The following SOCS5 variants were observed in gnomAD, a reference collection of about 807,000 sequenced individuals.
SOCS5 encodes the protein CIS-6.
SOCS5 carries 32 observed loss-of-function variants against 42.8 expected under a neutral mutation model. The observed-to-expected ratio is 0.75, with a 90% confidence interval of 0.56 to 1.01. SOCS5 has a LOEUF of 1.01. SOCS5 is among the 50% of genes least tolerant of loss of function. SOCS5 has a pLI of 0.00. For missense variants in SOCS5, 627 were observed against 653.0 expected, an observed-to-expected ratio of 0.96 and a Z score of 0.43; for synonymous variants, 283 against 229.6, an observed-to-expected ratio of 1.23 and a Z score of -2.10.
At chr2:46,746,657 A>AG (rs1489945538) in intron 1 of SOCS5, among the ~76,000 whole-genome samples, 1 of 151,942 alleles carries the variant, frequency 6.6e-6, no homozygotes, top group East Asian at 1.9e-4. Flanking sequence ...AAAAAAAAAA[A>AG]AAGATCCCAT....
rs187606162 is a variant in SOCS5 at position 46,722,877 on chromosome 2, T to C, written c.-13+23428T>C. On this transcript the variant is annotated intron_variant, in intron 1 of 1. Coordinates refer to ENST00000394861, the MANE Select transcript of SOCS5 (RefSeq NM_144949.3). ...TTTTATTTTATTTGTTCTTATGTCA[T>C]TTTGGCTTTAATTTGGATTTCTCTA... Among the ~76,000 whole-genome samples the C allele has an allele frequency of 9.9e-5, 15 of 152,244 alleles. No individual in the cohort carries two copies. The East Asian group carries it at 2.9e-3, about 29-fold the overall frequency.
chr2:46,760,389 G>A lies in SOCS5; in HGVS notation c.*248G>A. 2.5e-6 allele frequency: 1 copy of A among 401,032 alleles called. No homozygotes were observed. Among genetic ancestry groups the A allele is most frequent in the Non-Finnish European group, 4.6e-6 (1 of 216,612 alleles). 24.8% of individuals were successfully genotyped at this position (401,032 alleles called of 1,614,324 possible). A position where few individuals can be genotyped will look rare whatever the true frequency, so the allele number is the denominator to read the frequency against. ...ATTTTGCCTATTTCGCTAACAGTTT[G>A]GTTTTTAATGGCTGTGGTATTTGAG... On this transcript the variant is annotated 3_prime_UTR_variant, in exon 2 of 2. Transcript: ENST00000394861.
intron 1 of SOCS5, among the ~76,000 whole-genome samples, chr2:46,748,842 A>AT (rs1444157501): frequency 6.6e-6 from 1 of 152,186 alleles, no homozygotes; most frequent in Non-Finnish European, 1.5e-5. Context: ...AATGGTGCAG[A>AT]TTCCATTTGC....
chr2:46,741,697 AC>A (rs1394276255), intron 1 of SOCS5, among the ~76,000 whole-genome samples: 1 of 152,178 alleles, frequency 6.6e-6, no homozygotes, highest in Non-Finnish European at 1.5e-5. Context: ...CATGAACATT[AC>A]CAGAATATTA....
chr2:46,718,027 A>G (rs1672788816), intron 1 of SOCS5, among the ~76,000 whole-genome samples: 1 of 152,132 alleles, frequency 6.6e-6, no homozygotes, highest in Non-Finnish European at 1.5e-5. Flanking sequence ...TTGCTGCTCA[A>G]ATTCCAGCAA....
chr2:46,750,433 A>G (rs1177768896), intron 1 of SOCS5, among the ~76,000 whole-genome samples: 1 of 152,128 alleles, frequency 6.6e-6, no homozygotes, highest in Non-Finnish European at 1.5e-5. Context: ...TGTATCACAC[A>G]TGACTCTTAA....
In SOCS5 at chr2:46,759,588, G is replaced by A; in HGVS notation, c.1058G>A (p.Arg353Lys). The A allele has an allele frequency of 6.2e-7, 1 of 1,613,986 alleles. No homozygotes were observed. The change falls in exon 2 of 2, where the codon AGA (arginine) becomes AAA (lysine). Residue 353 changes from arginine (R) to lysine (K), a missense_variant. Arg to Lys is a conservative substitution (Grantham distance 26, BLOSUM62 2). This residue lies in a region of SOCS5 where 340 missense variants were observed against 367.6 expected (regional missense o/e 0.92). Transcript: ENST00000394861. ...ISGDSHTHVSRQGAWKVHTQI... is the reference protein window; with the variant it reads ...ISGDSHTHVSKQGAWKVHTQI... The stretch of plus-strand genomic sequence containing the variant: ...GGAGACAGCCATACCCATGTTAGCA[G>A]ACAGGGAGCTTGGAAAGTCCACACA...
At chr2:46,740,911 C>T (rs1673359739) in intron 1 of SOCS5, among the ~76,000 whole-genome samples, 1 of 152,092 alleles carries the variant, frequency 6.6e-6, no homozygotes, top group Admixed American at 6.5e-5. Context: ...CCATACACAC[C>T]CACATTTGAG....
At chr2:46,728,901 A>T (rs9677272) in intron 1 of SOCS5, among the ~76,000 whole-genome samples, 18,601 of 152,184 alleles carry the variant, frequency 0.12, 1,269 homozygotes, top group Non-Finnish European at 0.15. Context: ...TTTGCCTCTA[A>T]GCCAGTGGTT....
rs1672302120 is a variant in SOCS5 at position 46,699,801 on chromosome 2, G to C, written c.-13+352G>C. On this transcript the variant is annotated intron_variant, in intron 1 of 1. Coordinates refer to ENST00000394861, the MANE Select transcript of SOCS5 (RefSeq NM_144949.3). The surrounding 1 kb of genome is among the most constrained non-coding windows in gnomAD (Gnocchi z 4.8). ...GCCAGTAGGAGGGCATCCGTGATCG[G>C]GGTCGTGGTGGGTCGCGGGGAGGCC... Among the ~76,000 whole-genome samples, 1 of 152,142 alleles carries C rather than the reference G, an allele frequency of 6.6e-6. No individual in the cohort carries two copies. Among genetic ancestry groups the C allele is most frequent in the African/African-American group, 2.4e-5 (1 of 41,440 alleles).
intron 1 of SOCS5, among the ~76,000 whole-genome samples, chr2:46,708,570 C>T (rs1672545960): frequency 6.6e-6 from 1 of 152,090 alleles, no homozygotes; most frequent in Non-Finnish European, 1.5e-5. Flanking sequence ...AAAGTAACTG[C>T]CATTGCTGGT....
At chr2:46,703,624 G>A (rs995522339) in intron 1 of SOCS5, among the ~76,000 whole-genome samples, 1 of 152,042 alleles carries the variant, frequency 6.6e-6, no homozygotes, top group African/African-American at 2.4e-5. Context: ...TCATTAGGTT[G>A]GAGTTTTCTT....
intron 1 of SOCS5, among the ~76,000 whole-genome samples, chr2:46,754,533 A>G (rs1242014350): frequency 1.3e-5 from 2 of 152,134 alleles, no homozygotes; most frequent in Non-Finnish European, 2.9e-5. Context: ...TAACATAACT[A>G]AAAGTGTAAC....
intron 1 of SOCS5, among the ~76,000 whole-genome samples, chr2:46,738,559 G>C (rs890576309): frequency 2.0e-5 from 3 of 152,154 alleles, no homozygotes; most frequent in African/African-American, 7.2e-5. Flanking sequence ...AGCCAGATTG[G>C]GACAGACTTT....
chr2:46,731,482 A>G (rs1029369998), intron 1 of SOCS5, among the ~76,000 whole-genome samples: 2 of 152,238 alleles, frequency 1.3e-5, no homozygotes, highest in African/African-American at 4.8e-5. Flanking sequence ...GAAAATACTA[A>G]TACTAAGACA....
At chr2:46,719,074 A>C (rs536207354) in intron 1 of SOCS5, among the ~76,000 whole-genome samples, 2 of 152,330 alleles carry the variant, frequency 1.3e-5, no homozygotes, top group South Asian at 4.1e-4. Context: ...AAATACCATA[A>C]AACTATTACA....
intron 1 of SOCS5, among the ~76,000 whole-genome samples, chr2:46,730,417 A>G (rs1673089961): frequency 6.6e-6 from 1 of 152,120 alleles, no homozygotes; most frequent in Non-Finnish European, 1.5e-5. Context: ...CCTGGCCAAC[A>G]TGGTGAAACC....
intron 1 of SOCS5, among the ~76,000 whole-genome samples, chr2:46,713,302 G>T (rs1370841463): frequency 6.6e-6 from 1 of 152,208 alleles, no homozygotes; most frequent in Non-Finnish European, 1.5e-5. Context: ...GCTCCAGTGA[G>T]CTGTGATCAT....
chr2:46,708,956 G>A (rs941196826), intron 1 of SOCS5, among the ~76,000 whole-genome samples: 3 of 140,814 alleles, frequency 2.1e-5, no homozygotes, highest in African/African-American at 8.0e-5. Flanking sequence ...GTGCCATCTC[G>A]GCTCACTGCA....
Sources: allele counts gnomAD v4.1 joint callset (sites outside exome capture counted in the v4.1 genomes callset), GRCh38; gene constraint gnomAD v4.1.1; regional missense constraint gnomAD v4.1.1; non-coding constraint Gnocchi (gnomAD v3.1); transcripts MANE v1.5; gene names NCBI Gene and HGNC (gene_info 2026-07-23, HGNC 2026-07-21).